The following ELOVL7 variants were observed in gnomAD, a reference collection of about 807,000 sequenced individuals.
ELOVL7 encodes very long chain fatty acid elongase 7.
ELOVL7 carries 27 observed loss-of-function variants against 35.7 expected under a neutral mutation model. The ratio of observed to expected loss-of-function variants is 0.76; its 90% CI spans 0.56 to 1.04. The LOEUF (loss-of-function observed/expected upper bound fraction) is 1.04, where lower values mean the gene tolerates loss of function less well. ELOVL7 is among the 50% of genes least tolerant of loss of function. The pLI, the probability that ELOVL7 is intolerant of heterozygous loss-of-function variation, is 0.00. For synonymous variants in ELOVL7, 113 were observed against 114.6 expected (o/e 0.99, Z 0.09); for missense variants, 327 against 340.8 (o/e 0.96, Z 0.32).
chr5:60,760,049 T>C (rs1260989731), intron 7 of ELOVL7, among the ~76,000 whole-genome samples: 1 of 152,224 alleles, frequency 6.6e-6, no homozygotes, highest in Non-Finnish European at 1.5e-5. Context: ...TGTTGGACAT[T>C]TGGGTTGGTT....
chr5:60,782,411 G>A (rs1436270773), intron 3 of ELOVL7, among the ~76,000 whole-genome samples: 1 of 152,074 alleles, frequency 6.6e-6, no homozygotes, highest in East Asian at 1.9e-4. Flanking sequence ...TATATCCAAA[G>A]GAAATGAAAT....
At chr5:60,814,945 A>G (rs1745437244) in intron 1 of ELOVL7, among the ~76,000 whole-genome samples, 1 of 152,206 alleles carries the variant, frequency 6.6e-6, no homozygotes, top group African/African-American at 2.4e-5. Context: ...TAAAATCCCT[A>G]TCCCATGAAA....
At chr5:60,791,775 G>C (rs1743953224) in intron 2 of ELOVL7, among the ~76,000 whole-genome samples, 1 of 152,088 alleles carries the variant, frequency 6.6e-6, no homozygotes, top group African/African-American at 2.4e-5. Context: ...ACCAGCCCTT[G>C]ACCCATTATT....
At chr5:60,817,014 T>C (rs1745553042) in intron 1 of ELOVL7, among the ~76,000 whole-genome samples, 1 of 152,172 alleles carries the variant, frequency 6.6e-6, no homozygotes, top group Non-Finnish European at 1.5e-5. Context: ...TTGGTAAACC[T>C]GAGCTAATTA....
chr5:60,841,571 C>A (rs1009092442), intron 1 of ELOVL7, among the ~76,000 whole-genome samples: 1 of 152,082 alleles, frequency 6.6e-6, no homozygotes, highest in African/African-American at 2.4e-5. Flanking sequence ...GCAGTCCAGG[C>A]CCACTTCACC....
intron 1 of ELOVL7, among the ~76,000 whole-genome samples, chr5:60,830,668 A>C (rs926172093): frequency 6.6e-6 from 1 of 151,574 alleles, no homozygotes; most frequent in African/African-American, 2.4e-5. Flanking sequence ...TTTATAGTAA[A>C]ATACAAATAA....
intron 4 of ELOVL7, among the ~76,000 whole-genome samples, chr5:60,769,224 G>T (rs1742428651): frequency 6.6e-6 from 1 of 152,148 alleles, no homozygotes; most frequent in South Asian, 2.1e-4. Context: ...ACATAGAAAT[G>T]GCTAATTCTG....
rs2112384255 is a variant in ELOVL7 at position 60,830,922 on chromosome 5, G to C, written c.-86+13238C>G. ...GCAGGAGTAGAAGTTTACTGAAGTA[G>C]ATGGTTCAGGATGGATTTTGTTGAC... On this transcript the variant is annotated intron_variant, in intron 1 of 8. Coordinates refer to ENST00000508821, the MANE Select transcript of ELOVL7 (RefSeq NM_024930.3). 3.3e-5 allele frequency among the ~76,000 whole-genome samples: 5 copies of C among 152,272 alleles called. No homozygotes were observed. The South Asian group carries it at 1.0e-3, about 32-fold the overall frequency.
intron 1 of ELOVL7, among the ~76,000 whole-genome samples, chr5:60,823,108 G>T (rs1255512430): frequency 1.3e-5 from 2 of 151,720 alleles, no homozygotes; most frequent in African/African-American, 4.8e-5. Flanking sequence ...GGTGATAACT[G>T]TTGGAGTATT....
chr5:60,756,196 C>T lies in ELOVL7; in HGVS notation c.636+1313G>A, dbSNP rs549189237. 6.6e-5 allele frequency among the ~76,000 whole-genome samples: 10 copies of T among 151,730 alleles called. No homozygotes were observed. In the South Asian group the frequency reaches 1.7e-3, roughly 25 times the overall value. ...TTCTTTCTACATCAGTATTTTTTCACGTTATTAAAAAGTTTGTACATTTAA... is the reference window on the plus strand; with the variant it reads ...TTCTTTCTACATCAGTATTTTTTCATGTTATTAAAAAGTTTGTACATTTAA... On this transcript the variant is annotated intron_variant, in intron 8 of 8. Transcript: ENST00000508821.
At position 60,766,665 on chromosome 5, in the gene ELOVL7, T is replaced by C. The variant is rs376000117; in HGVS notation, c.337-35A>G. 5 of 1,572,966 alleles carry C rather than the reference T, an allele frequency of 3.2e-6. No individual in the cohort carries two copies. In the African/African-American group the frequency reaches 5.5e-5, roughly 17 times the overall value. On this transcript the variant is annotated intron_variant, in intron 5 of 8. Coordinates refer to ENST00000508821, the MANE Select transcript of ELOVL7 (RefSeq NM_024930.3). ...CACAAATAAATCTAAATTTATTTTG[T>C]ATATGGAAGAAAAGCTTATATTTTT...
intron 1 of ELOVL7, among the ~76,000 whole-genome samples, chr5:60,838,389 T>G (rs1746958366): frequency 6.6e-6 from 1 of 152,228 alleles, no homozygotes; most frequent in Non-Finnish European, 1.5e-5. Flanking sequence ...GGACCTGGTC[T>G]GTGTATATCA....
intron 2 of ELOVL7, among the ~76,000 whole-genome samples, chr5:60,789,840 T>C (rs1743818369): frequency 6.6e-6 from 1 of 152,106 alleles, no homozygotes; most frequent in African/African-American, 2.4e-5. Flanking sequence ...TAAATCACTA[T>C]TTGAAAAAAG....
At chr5:60,817,280 A>G (rs1225364689) in intron 1 of ELOVL7, among the ~76,000 whole-genome samples, 2 of 152,060 alleles carry the variant, frequency 1.3e-5, no homozygotes, top group African/African-American at 4.8e-5. Flanking sequence ...AAAAAGATAC[A>G]AAAAACAGAG....
intron 1 of ELOVL7, among the ~76,000 whole-genome samples, chr5:60,807,555 T>G (rs534256058): frequency 6.8e-6 from 1 of 147,070 alleles, no homozygotes; most frequent in Admixed American, 6.7e-5. Context: ...ACTAGAAAAC[T>G]TTACAAATAA....
chr5:60,801,444 G>C (rs56789208), intron 1 of ELOVL7, among the ~76,000 whole-genome samples: 1 of 152,168 alleles, frequency 6.6e-6, no homozygotes, highest in Non-Finnish European at 1.5e-5. Flanking sequence ...GCTCACATCC[G>C]TAATCCCAGC....
At chr5:60,756,210 T>G (rs1399625909) in intron 8 of ELOVL7, among the ~76,000 whole-genome samples, 2 of 152,164 alleles carry the variant, frequency 1.3e-5, no homozygotes, top group Admixed American at 6.5e-5. Flanking sequence ...ATTAAAAAGT[T>G]TGTACATTTA....
At chr5:60,825,748 T>G (rs999935704) in intron 1 of ELOVL7, among the ~76,000 whole-genome samples, 4 of 152,126 alleles carry the variant, frequency 2.6e-5, no homozygotes, top group Admixed American at 1.3e-4. Context: ...GGAACACCAG[T>G]CTCAAAGAAT....
intron 1 of ELOVL7, among the ~76,000 whole-genome samples, chr5:60,832,606 T>C (rs1746546087): frequency 6.6e-6 from 1 of 152,214 alleles, no homozygotes. Flanking sequence ...CCTTGTGATC[T>C]GCCCACCTCA....
Sources: allele counts gnomAD v4.1 joint callset (sites outside exome capture counted in the v4.1 genomes callset), GRCh38; gene constraint gnomAD v4.1.1; transcripts MANE v1.5; gene names NCBI Gene and HGNC (gene_info 2026-07-23, HGNC 2026-07-21).